Variants in CDC14A observed in about 807,000 individuals in gnomAD.
CDC14A encodes cell division cycle 14A.
CDC14A carries 53 observed loss-of-function variants against 74.4 expected under a neutral mutation model. The observed-to-expected ratio is 0.71, with a 90% CI of 0.57 to 0.89. The LOEUF (loss-of-function observed/expected upper bound fraction) is 0.89, where lower values mean the gene tolerates loss of function less well. Among genes scored for constraint, CDC14A ranks in the 40% least tolerant of loss-of-function variants. CDC14A has a pLI of 0.00. For synonymous variants in CDC14A, 247 were observed against 258.4 expected (o/e 0.96, Z 0.43); for missense variants, 646 against 713.7 (o/e 0.91, Z 1.08).
chr1:100,459,160 C>A (rs1349216422), intron 8 of CDC14A, among the ~76,000 whole-genome samples: 1 of 137,318 alleles, frequency 7.3e-6, no homozygotes, highest in East Asian at 2.1e-4. Flanking sequence ...TAGCTTCAGA[C>A]TGAGAATCCC....
chr1:100,357,282 A>G (rs573346739), intron 2 of CDC14A, among the ~76,000 whole-genome samples: 1 of 152,284 alleles, frequency 6.6e-6, no homozygotes, highest in South Asian at 2.1e-4. Context: ...CAAGGTCTGT[A>G]TTTCACAAGT....
At chr1:100,360,430 AC>A (rs1652596284) in intron 2 of CDC14A, among the ~76,000 whole-genome samples, 1 of 147,042 alleles carries the variant, frequency 6.8e-6, no homozygotes, top group Non-Finnish European at 1.5e-5. Flanking sequence ...TGCAACCTCC[AC>A]CTCCGGGGTT....
chr1:100,370,898 C>T (rs1273620227), intron 2 of CDC14A, among the ~76,000 whole-genome samples: 6 of 152,028 alleles, frequency 3.9e-5, no homozygotes, highest in Non-Finnish European at 7.4e-5. Flanking sequence ...TTGCTTTGGG[C>T]AATATAGTGA....
intron 7 of CDC14A, among the ~76,000 whole-genome samples, chr1:100,444,415 A>T (rs1665303708): frequency 6.6e-6 from 1 of 152,116 alleles, no homozygotes; most frequent in Non-Finnish European, 1.5e-5. Context: ...CTTGGCCCCA[A>T]ACCGGCTGTT....
At chr1:100,475,240 C>A (rs1668772147) in intron 10 of CDC14A, among the ~76,000 whole-genome samples, 1 of 152,172 alleles carries the variant, frequency 6.6e-6, no homozygotes, top group Non-Finnish European at 1.5e-5. Context: ...CTATTCTAAA[C>A]TTTCTGTTTG....
rs908362552 is a variant in CDC14A, at chr1:100,429,775, G to GTA, written c.389+5486_389+5487dup. Among the ~76,000 whole-genome samples, 146 of 146,660 alleles carry GTA rather than the reference G, an allele frequency of 1.0e-3. 1 individual carries two copies. The highest frequency in any genetic ancestry group is 3.0e-3 in the African/African-American group (121 of 40,182). ...TATATATTATATATATATCAAGTGT[G>GTA]TATATATATATATCAAGTAAATTTA... is the stretch of plus-strand genomic sequence containing the variant. On this transcript the variant is annotated intron_variant, in intron 5 of 15. Transcript: ENST00000336454.
chr1:100,443,046 T>A (rs372814032), intron 7 of CDC14A, 50 bp downstream of exon 7: 10 of 1,262,944 alleles, frequency 7.9e-6, no homozygotes, highest in Non-Finnish European at 1.0e-5. Flanking sequence ...GTTGATTAAT[T>A]TTTTCCCCCT....
At chr1:100,351,052 G>A (rs1484029354), upstream of CDC14A, among the ~76,000 whole-genome samples, 1 of 152,098 alleles carries the variant, frequency 6.6e-6, no homozygotes, top group Non-Finnish European at 1.5e-5. Context: ...AAATTAGCCG[G>A]GTGTGGTGGC....
chr1:100,346,246 A>G (rs563645084), intron 1 of CDC14A, among the ~76,000 whole-genome samples: 3 of 152,316 alleles, frequency 2.0e-5, no homozygotes, highest in Admixed American at 2.0e-4. Context: ...ATTTCTCAGC[A>G]TGGCTATGGT....
At chr1:100,377,927 A>G (rs1365279133) in intron 3 of CDC14A, among the ~76,000 whole-genome samples, 2 of 152,188 alleles carry the variant, frequency 1.3e-5, no homozygotes, top group South Asian at 4.1e-4. Flanking sequence ...ATTCCCTCCT[A>G]GGATAATTTT....
rs1651262780 is a variant in CDC14A at position 100,352,818 on chromosome 1, C to T, written c.-137C>T. 2 of 1,473,824 alleles carry T rather than the reference C, an allele frequency of 1.4e-6. No individual in the cohort carries two copies. The highest frequency in any genetic ancestry group is 2.9e-5 in the African/African-American group (2 of 69,472). 91.3% of individuals were successfully genotyped at this position (1,473,824 alleles called of 1,614,324 possible). ...ACCCCGAAGCCGCCTCCGCCTTCGGCGCCTGCTGCCTCCCTCGGCCAGGCT... is the reference window on the plus strand; with the variant it reads ...ACCCCGAAGCCGCCTCCGCCTTCGGTGCCTGCTGCCTCCCTCGGCCAGGCT... On this transcript the variant is annotated 5_prime_UTR_variant, in exon 1 of 16. Transcript: ENST00000336454.
intron 7 of CDC14A, among the ~76,000 whole-genome samples, chr1:100,453,923 C>T (rs954252417): frequency 8.5e-5 from 13 of 152,094 alleles, no homozygotes; most frequent in South Asian, 6.2e-4. Flanking sequence ...ATTACAGGCG[C>T]GAGCCGCCAC....
chr1:100,467,407 GCA>G lies in CDC14A; in HGVS notation c.839-537_839-536del, dbSNP rs372826633. ...ACTTTGTTTTGTTTTACACACGCGC[GCA>G]CACACACACACGCATATGCACACAA... On this transcript the variant is annotated intron_variant, in intron 9 of 15. Coordinates refer to ENST00000336454, the MANE Select transcript of CDC14A (RefSeq NM_003672.4). Among the ~76,000 whole-genome samples the G allele has an allele frequency of 8.1e-5, 12 of 148,960 alleles. 1 individual carries two copies. Among genetic ancestry groups the G allele is most frequent in the Admixed American group, 2.7e-4 (4 of 14,752 alleles).
intron 11 of CDC14A, among the ~76,000 whole-genome samples, chr1:100,488,677 G>T (rs996535060): frequency 1.3e-5 from 2 of 152,144 alleles, no homozygotes; most frequent in African/African-American, 4.8e-5. Context: ...CTAATATTCA[G>T]CCAAGTTCAT....
chr1:100,411,964 A>G (rs1182868449), intron 4 of CDC14A, among the ~76,000 whole-genome samples: 1 of 152,180 alleles, frequency 6.6e-6, no homozygotes, highest in African/African-American at 2.4e-5. Flanking sequence ...GCAGAGAACA[A>G]CACATACAAA....
At chr1:100,403,785 C>T (rs560053026) in intron 4 of CDC14A, among the ~76,000 whole-genome samples, 35 of 152,332 alleles carry the variant, frequency 2.3e-4, no homozygotes, top group African/African-American at 7.9e-4. Flanking sequence ...GATTGAGAAG[C>T]CTGTAGCTAG....
At chr1:100,515,191 A>G (rs571233143) in intron 15 of CDC14A, among the ~76,000 whole-genome samples, 2 of 152,204 alleles carry the variant, frequency 1.3e-5, no homozygotes, top group South Asian at 4.1e-4. Context: ...GTGGCTGAGT[A>G]CAAATGACCC....
intron 7 of CDC14A, among the ~76,000 whole-genome samples, chr1:100,445,213 G>A (rs1028873954): frequency 6.6e-6 from 1 of 152,146 alleles, no homozygotes; most frequent in African/African-American, 2.4e-5. Context: ...ACAAACAATA[G>A]TAAGACACTC....
intron 2 of CDC14A, among the ~76,000 whole-genome samples, chr1:100,357,246 G>A (rs559619783): frequency 2.6e-5 from 4 of 152,258 alleles, no homozygotes; most frequent in South Asian, 2.1e-4. Context: ...AGAATGATGC[G>A]ATTTCTGGGA....
Sources: gnomAD v4.1 joint callset for allele counts (sites outside exome capture counted in the v4.1 genomes callset) on GRCh38, gnomAD v4.1.1 for gene constraint, MANE v1.5 for transcripts, NCBI Gene and HGNC (gene_info 2026-07-23, HGNC 2026-07-21) for gene names.